Variants in ALDH1A2 observed in about 807,000 individuals in gnomAD.
ALDH1A2 encodes the protein retinal dehydrogenase 2.
A neutral mutation model predicts 60.3 loss-of-function variants in ALDH1A2; 27 were observed. The ratio of observed to expected loss-of-function variants is 0.45; its 90% CI spans 0.33 to 0.62. The LOEUF is 0.62. Ranked by LOEUF, ALDH1A2 falls within the 20% of genes least tolerant of loss-of-function variation. ALDH1A2 has a pLI of 0.02. For missense variants in ALDH1A2, 581 were observed against 643.8 expected (o/e 0.90, Z 1.06); for synonymous variants, 289 against 232.4 (o/e 1.24, Z -2.21).
chr15:57,961,939 A>G (rs1270406302), intron 10 of ALDH1A2, 73 bp downstream of exon 10: 2 of 1,573,452 alleles, frequency 1.3e-6, no homozygotes, highest in African/African-American at 2.7e-5. Context: ...AAACTCTAAT[A>G]TCATCCACTA....
chr15:58,063,221 T>G (rs182722070), intron 1 of ALDH1A2, among the ~76,000 whole-genome samples: 1 of 152,188 alleles, frequency 6.6e-6, no homozygotes, highest in Non-Finnish European at 1.5e-5. Context: ...AGATGTATGT[T>G]TAGCAAGACA....
At chr15:58,012,561 G>A (rs1595666364) in intron 3 of ALDH1A2, among the ~76,000 whole-genome samples, 1 of 152,110 alleles carries the variant, frequency 6.6e-6, no homozygotes, top group African/African-American at 2.4e-5. Flanking sequence ...GAATCTGCAA[G>A]GAGGAATTTC....
intron 4 of ALDH1A2, among the ~76,000 whole-genome samples, chr15:58,004,700 TGTGC>T (rs1340038901): frequency 5.9e-4 from 68 of 115,188 alleles, no homozygotes; most frequent in African/African-American, 1.5e-3. Context: ...GATTTGTGTG[TGTGC>T]GTGTGTGTGT....
In ALDH1A2 at chr15:57,992,791, T is replaced by C. The variant is rs756573344; in HGVS notation, c.712A>G (p.Ile238Val). 147 of 1,613,860 alleles carry C rather than the reference T, an allele frequency of 9.1e-5. No homozygotes were observed. Among genetic ancestry groups the C allele is most frequent in the Non-Finnish European group, 1.1e-4 (129 of 1,179,984 alleles). ...EAGFPPGVIN[I>V]LPGYGPTAGA... ...GCCGTTGGCCCATATCCTGGCAAAA[T>C]ATTGATGACCCCGGGAGGAAAGCCA... Residue 238 changes from isoleucine to valine, a missense_variant, in exon 7 of 13, where the codon ATT becomes GTT. By Grantham distance (29) the Ile-to-Val change is conservative. Coordinates refer to ENST00000249750, the MANE Select transcript of ALDH1A2 (RefSeq NM_003888.4).
chr15:58,061,595 C>CAAAAAAAAAAA lies in ALDH1A2; in HGVS notation c.117+3928_117+3938dup, dbSNP rs879500544. Among the ~76,000 whole-genome samples, 301 of 42,774 alleles carry CAAAAAAAAAAA rather than the reference C, an allele frequency of 7.0e-3. 5 individuals carry two copies. The highest frequency in any genetic ancestry group is 9.7e-3 in the Non-Finnish European group (193 of 19,830). The allele number at this position is 42,774 out of a possible 152,430, so 28.1% of individuals were successfully genotyped here. A position where few individuals can be genotyped will look rare whatever the true frequency, so the allele number is the denominator to read the frequency against. On this transcript the variant is annotated intron_variant, in intron 1 of 12. Transcript: ENST00000249750. ...ATATAAAGATTTAAACTCCTTCCCT[C>CAAAAAAAAAAA]AAAAAAAAAAAAAACAAAAAAAAAA...
In ALDH1A2 at chr15:57,992,655, C is replaced by G. The variant is rs556644636; in HGVS notation, c.798+50G>C. ...TAGTTTTATTGTTTTTGTAACCCCT[C>G]AACTCATTTGCAAGACTGTTCCTCA... On this transcript the variant is annotated intron_variant, in intron 7 of 12. Coordinates refer to ENST00000249750, the MANE Select transcript of ALDH1A2 (RefSeq NM_003888.4). The G allele has an allele frequency of 2.6e-6, 4 of 1,545,376 alleles. No individual in the cohort carries two copies. In the African/African-American group the frequency reaches 5.4e-5, roughly 21 times the overall value.
chr15:57,967,170 A>ATTTT (rs34306826), intron 7 of ALDH1A2, among the ~76,000 whole-genome samples: 10,157 of 141,558 alleles, frequency 0.072, 366 homozygotes, highest in Middle Eastern at 0.12. Flanking sequence ...GACTGCCTGG[A>ATTTT]TTTTTTTTTT....
intron 10 of ALDH1A2, 28 bp downstream of exon 10, chr15:57,961,980 TGTGG>T: frequency 6.2e-7 from 1 of 1,613,620 alleles, no homozygotes; most frequent in Non-Finnish European, 8.5e-7. Context: ...CCAAGAAAGA[TGTGG>T]CTTTTGTAAG....
At chr15:57,965,334 G>C (rs1350907353) in intron 8 of ALDH1A2, among the ~76,000 whole-genome samples, 1 of 152,154 alleles carries the variant, frequency 6.6e-6, no homozygotes, top group Non-Finnish European at 1.5e-5. Context: ...TGGTCAAGTC[G>C]GATTTATTTA....
chr15:58,002,346 T>C (rs1895302561), intron 4 of ALDH1A2, among the ~76,000 whole-genome samples: 1 of 151,900 alleles, frequency 6.6e-6, no homozygotes, highest in Admixed American at 6.6e-5. Context: ...TGTTTTTTGA[T>C]GGGGCCTTAT....
chr15:58,012,873 T>C (rs767912546), intron 3 of ALDH1A2, among the ~76,000 whole-genome samples: 2 of 152,176 alleles, frequency 1.3e-5, no homozygotes, highest in Non-Finnish European at 2.9e-5. Flanking sequence ...ATAGTACTCA[T>C]GGCTTGAATG....
chr15:58,050,548 T>C (rs2140569004), intron 1 of ALDH1A2, among the ~76,000 whole-genome samples: 1 of 152,302 alleles, frequency 6.6e-6, no homozygotes, highest in South Asian at 2.1e-4. Flanking sequence ...TTTTCATGGA[T>C]GTTGTATGTG....
At chr15:57,966,184 G>GA (rs35042561) in intron 7 of ALDH1A2, among the ~76,000 whole-genome samples, 2,098 of 152,220 alleles carry the variant, frequency 0.014, 23 homozygotes, top group African/African-American at 0.032. Flanking sequence ...TCCGGCTCCA[G>GA]AAAAAAGCCA....
At chr15:58,011,806 G>A (rs1228775477) in intron 3 of ALDH1A2, among the ~76,000 whole-genome samples, 3 of 152,080 alleles carry the variant, frequency 2.0e-5, no homozygotes, top group African/African-American at 2.4e-5. Context: ...CTATTTCCTA[G>A]TACTTTTTAG....
At position 57,993,111 on chromosome 15, in the gene ALDH1A2, C is replaced by T. The variant is rs1178080176; in HGVS notation, c.556-38G>A. On this transcript the variant is annotated intron_variant, in intron 5 of 12. Coordinates refer to ENST00000249750, the MANE Select transcript of ALDH1A2 (RefSeq NM_003888.4). ...AACTCAAAGTTGATAGATGGAAAAA[C>T]ATTCTTCCACTACTTTGTTTTCAAG... 6 of 1,607,122 alleles carry T rather than the reference C, an allele frequency of 3.7e-6. No individual in the cohort carries two copies. In the South Asian group the frequency reaches 4.4e-5, roughly 12 times the overall value.
chr15:57,992,919 GCACTC>G, intron 6 of ALDH1A2, 21 bp downstream of exon 6: 1 of 1,613,996 alleles, frequency 6.2e-7, no homozygotes, highest in Non-Finnish European at 8.5e-7. Context: ...GGAGTCAGAA[GCACTC>G]CCGAAGTCCG....
chr15:58,013,729 G>A (rs1895703279), intron 3 of ALDH1A2, 129 bp downstream of exon 3: 4 of 1,285,924 alleles, frequency 3.1e-6, no homozygotes, highest in Non-Finnish European at 4.2e-6. Flanking sequence ...TCCAGCCTGG[G>A]CGACAGAGCT....
At chr15:58,009,639 T>C (rs4774288) in intron 4 of ALDH1A2, among the ~76,000 whole-genome samples, 150,991 of 151,072 alleles carry the variant, frequency 1, 75,455 homozygotes, top group Non-Finnish European at 1. Context: ...ATTCACCACT[T>C]ACTATCTCTT....
chr15:57,956,670 C>A (rs756638241), intron 12 of ALDH1A2, among the ~76,000 whole-genome samples: 1 of 152,230 alleles, frequency 6.6e-6, no homozygotes, highest in Admixed American at 6.5e-5. Flanking sequence ...CACTCAGTCT[C>A]GGAGTCTCTT....
Sources: allele counts gnomAD v4.1 joint callset (sites outside exome capture counted in the v4.1 genomes callset), GRCh38; gene constraint gnomAD v4.1.1; transcripts MANE v1.5; gene names NCBI Gene and HGNC (gene_info 2026-07-23, HGNC 2026-07-21).